The following BEST3 variants were observed in gnomAD, a reference collection of about 807,000 sequenced individuals.
BEST3 encodes bestrophin 3, also known as bestrophin-3.
A neutral mutation model predicts 47.1 loss-of-function variants in BEST3; 50 were observed. The observed-to-expected ratio is 1.06, with a 90% CI of 0.85 to 1.34. BEST3 has a LOEUF of 1.34. Ranked by LOEUF, BEST3 falls within the 40% of genes most tolerant of loss-of-function variation. BEST3 has a pLI of 0.00. For missense variants in BEST3, 765 were observed against 817.0 expected (o/e 0.94, Z 0.78); for synonymous variants, 282 against 298.8 (o/e 0.94, Z 0.58).
At chr12:69,657,837 C>T (rs1490003401) in intron 9 of BEST3, among the ~76,000 whole-genome samples, 1 of 152,200 alleles carries the variant, frequency 6.6e-6, no homozygotes, top group African/African-American at 2.4e-5. Flanking sequence ...TCGATTACAA[C>T]CTTGTGCTGT....
In BEST3 at chr12:69,693,872, TCCAC is replaced by T. The variant is rs768845694; in HGVS notation, c.279_282del (p.Trp93Ter). ...GGCCAGGGCAAATTCACAAACTGGT[TCCAC>T]CATCGGTTCACTACCAGAGTAACAT... On this transcript the variant is annotated frameshift_variant, in exon 4 of 10. Coordinates refer to ENST00000330891, the MANE Select transcript of BEST3 (RefSeq NM_032735.3). LOFTEE classifies it high-confidence loss of function. 844 of 1,612,930 alleles carry T rather than the reference TCCAC, an allele frequency of 5.2e-4. 3 individuals are homozygous for T. Among genetic ancestry groups the T allele is most frequent in the South Asian group, 6.8e-4 (62 of 90,730 alleles).
intron 9 of BEST3, among the ~76,000 whole-genome samples, chr12:69,665,953 G>T (rs1884184002): frequency 6.6e-6 from 1 of 152,152 alleles, no homozygotes; most frequent in Admixed American, 6.6e-5. Context: ...GCCGTAACTT[G>T]ATAATTGAAG....
intron 1 of BEST3, among the ~76,000 whole-genome samples, chr12:69,698,129 C>A (rs898657205): frequency 2.0e-4 from 30 of 152,130 alleles, no homozygotes; most frequent in African/African-American, 6.3e-4. Flanking sequence ...ACAAGGCCCT[C>A]GTGAGAATTT....
downstream of BEST3, chr12:69,643,526 T>C (rs116177066): frequency 8.7e-4 from 381 of 438,068 alleles, no homozygotes; most frequent in African/African-American, 7.2e-3. Context: ...ACCATTAAAA[T>C]CTCCTGGGAA....
rs1339928909 is a variant in BEST3, at chr12:69,671,546, T to C, written c.982A>G (p.Ser328Gly). 1 of 1,613,792 alleles carries C rather than the reference T, an allele frequency of 6.2e-7. No individual in the cohort carries two copies. Among genetic ancestry groups the C allele is most frequent in the Non-Finnish European group, 8.5e-7 (1 of 1,179,784 alleles). Residue 328 changes from serine (S) to glycine (G), a missense_variant, in exon 9 of 10, where the codon AGC (serine) becomes GGC (glycine). Ser to Gly is a moderately conservative substitution (Grantham distance 56). Transcript: ENST00000330891. ...ATGTCCTTCTTCATCTTGGGTAAGC[T>C]CATGTGCATTTCGTCCACAGCTAAA... ...SLLAVDEMHM[S>G]LPKMKKDIYW...
Position 69,698,990 on chromosome 12 carries a change from G to T in BEST3, c.-16+215C>A, listed in dbSNP as rs537780742. Among the ~76,000 whole-genome samples, 3 of 152,174 alleles carry T rather than the reference G, an allele frequency of 2.0e-5. No homozygotes were observed. The South Asian group carries it at 6.2e-4, about 32-fold the overall frequency. The stretch of plus-strand genomic sequence containing the variant: ...TTTACCTTGTCTATTTGCCTAGTGC[G>T]AATACAGCCAAAATTGGGAGAGGAG... On this transcript the variant is annotated intron_variant, in intron 1 of 9. Transcript: ENST00000330891.
intron 9 of BEST3, among the ~76,000 whole-genome samples, chr12:69,662,068 C>T (rs565806945): frequency 2.6e-5 from 4 of 152,170 alleles, no homozygotes; most frequent in Non-Finnish European, 5.9e-5. Flanking sequence ...TCCATGTACA[C>T]ATCTGATACC....
At chr12:69,664,904 T>C (rs1019706480) in intron 9 of BEST3, among the ~76,000 whole-genome samples, 3 of 152,098 alleles carry the variant, frequency 2.0e-5, no homozygotes, top group African/African-American at 4.8e-5. Context: ...ATTATAAAGT[T>C]TGTAAGATAA....
intron 9 of BEST3, among the ~76,000 whole-genome samples, chr12:69,645,864 A>G (rs547693130): frequency 1.3e-5 from 2 of 152,070 alleles, no homozygotes; most frequent in Non-Finnish European, 2.9e-5. Flanking sequence ...TCTAATGTTC[A>G]TCACAACCGT....
Position 69,655,135 on chromosome 12 carries a change from C to T in BEST3, c.1779G>A (p.Pro593=), listed in dbSNP as rs1346224457. Residue 593 remains proline (P), a synonymous_variant, in exon 10 of 10, where the codon CCG becomes CCA. Transcript: ENST00000330891. The stretch of plus-strand genomic sequence containing the variant: ...AAGTGTGGCTGGACCCCAGGAATCC[C>T]GGAAGACTCCACCTTTTTAGAAAGG... ...GDTFLKRWSL[P]GFLGSSHTSL... The T allele has an allele frequency of 7.4e-6, 12 of 1,613,998 alleles. No individual in the cohort carries two copies. Among genetic ancestry groups the T allele is most frequent in the Middle Eastern group, 1.6e-4 (1 of 6,076 alleles).
At chr12:69,648,530 G>C (rs560801882) in intron 9 of BEST3, among the ~76,000 whole-genome samples, 1 of 152,118 alleles carries the variant, frequency 6.6e-6, no homozygotes, top group Non-Finnish European at 1.5e-5. Flanking sequence ...CAAACTCAGG[G>C]GCAAACATGA....
chr12:69,688,498 A>G (rs1388377794), intron 4 of BEST3, among the ~76,000 whole-genome samples: 5 of 152,228 alleles, frequency 3.3e-5, no homozygotes, highest in Admixed American at 6.5e-5. Flanking sequence ...CAAATTATAT[A>G]TATTTCCCCA....
chr12:69,646,704 G>A (rs1883048412), intron 9 of BEST3, among the ~76,000 whole-genome samples: 1 of 152,210 alleles, frequency 6.6e-6, no homozygotes. Flanking sequence ...AAACCATGTT[G>A]AAGAGAGATG....
chr12:69,683,022 A>G (rs1423594108), intron 4 of BEST3, among the ~76,000 whole-genome samples: 1 of 152,258 alleles, frequency 6.6e-6, no homozygotes, highest in Non-Finnish European at 1.5e-5. Context: ...ATTTTAAAAA[A>G]TGATCTCATT....
At chr12:69,679,947 A>G (rs1592357154) in intron 4 of BEST3, among the ~76,000 whole-genome samples, 1 of 150,152 alleles carries the variant, frequency 6.7e-6, no homozygotes. Context: ...GTAAAATGCA[A>G]TTTGCTTGGG....
At chr12:69,677,848 T>G (rs551941907) in intron 5 of BEST3, among the ~76,000 whole-genome samples, 1 of 152,262 alleles carries the variant, frequency 6.6e-6, no homozygotes, top group Admixed American at 6.5e-5. Context: ...ATTTCCAACA[T>G]GTATATTGGC....
intron 8 of BEST3, among the ~76,000 whole-genome samples, chr12:69,672,164 G>A (rs141587341): frequency 6.6e-6 from 1 of 152,342 alleles, no homozygotes; most frequent in Non-Finnish European, 1.5e-5. Context: ...TTTTGACAAA[G>A]TGAGTGACCT....
chr12:69,695,801 A>G (rs1024675170), intron 2 of BEST3, among the ~76,000 whole-genome samples: 1 of 152,226 alleles, frequency 6.6e-6, no homozygotes, highest in African/African-American at 2.4e-5. Flanking sequence ...TGTAAAGATT[A>G]AATAATATAT....
At chr12:69,697,454 G>T (rs1435826016) in intron 2 of BEST3, among the ~76,000 whole-genome samples, 193 bp downstream of exon 2, 1 of 152,172 alleles carries the variant, frequency 6.6e-6, no homozygotes, top group African/African-American at 2.4e-5. Flanking sequence ...AACAGTGAGG[G>T]TCTATTTTAC....
Sources: gnomAD v4.1 joint callset for allele counts (sites outside exome capture counted in the v4.1 genomes callset) on GRCh38, gnomAD v4.1.1 for gene constraint, MANE v1.5 for transcripts, NCBI Gene and HGNC (gene_info 2026-07-23, HGNC 2026-07-21) for gene names.